MGAM: variants seen among roughly 807,000 people sequenced by gnomAD.
MGAM encodes the protein maltase-glucoamylase.
In MGAM, 253 loss-of-function variants were observed where a neutral mutation model predicts 358.8. The ratio of observed to expected loss-of-function variants is 0.71; its 90% CI spans 0.64 to 0.78. The LOEUF (loss-of-function observed/expected upper bound fraction) is 0.78. Ranked by LOEUF, MGAM falls within the 30% of genes least tolerant of loss-of-function variation. The probability of loss-of-function intolerance (pLI) is 0.00; values close to 1 mark genes in which losing one functional copy is unlikely to be tolerated. For synonymous variants in MGAM, 1,105 were observed against 1,227.1 expected (o/e 0.90, Z 2.08); for missense variants, 3,080 against 3,432.6 (o/e 0.90, Z 2.57).
At chr7:142,060,288 A>C (rs1382939810) in intron 33 of MGAM, 23 bp from the exon 34 acceptor site, 5 of 1,612,172 alleles carry the variant, frequency 3.1e-6, no homozygotes, top group Non-Finnish European at 4.2e-6. Flanking sequence ...GTGCATCGCT[A>C]CTGAACGTAT....
intron 35 of MGAM, 72 bp downstream of exon 35, chr7:142,062,774 G>C: frequency 6.3e-7 from 1 of 1,585,100 alleles, no homozygotes; most frequent in South Asian, 1.2e-5. Flanking sequence ...ATGTACCACT[G>C]ACCTTCAATC....
intron 36 of MGAM, among the ~76,000 whole-genome samples, 195 bp from the exon 37 acceptor site, chr7:142,064,189 A>AC (rs771566831): frequency 2.0e-5 from 3 of 152,174 alleles, no homozygotes; most frequent in Admixed American, 6.5e-5. Context: ...CCTTCAGTGA[A>AC]CTTGATGTTG....
chr7:142,037,086 C>A, intron 18 of MGAM, 109 bp downstream of exon 18: 10 of 1,072,570 alleles, frequency 9.3e-6, no homozygotes, highest in Admixed American at 2.1e-5. Flanking sequence ...TTATTCATAT[C>A]TATCTGTATC....
At position 142,080,822 on chromosome 7, in the gene MGAM, T is replaced by G. The variant is rs1814191307; in HGVS notation, c.5879T>G (p.Val1960Gly). 1 of 1,555,872 alleles carries G rather than the reference T, an allele frequency of 6.4e-7. No individual in the cohort carries two copies. Among genetic ancestry groups the G allele is most frequent in the African/African-American group, 1.3e-5 (1 of 74,546 alleles). The change falls in exon 50 of 71, where the codon GTT (valine) becomes GGT (glycine). Residue 1960 changes from valine (V) to glycine (G), a missense_variant. By Grantham distance (109) the Val-to-Gly change is moderately radical. Coordinates refer to ENST00000475668, the MANE Select transcript of MGAM (RefSeq NM_001365693.1). ...GATCCCAACAACAATCGGTATGAAG[T>G]TCCAGTCCCTCTGAACATACCCAGC... is the stretch of plus-strand genomic sequence containing the variant. ...IYDPNNNRYE[V>G]PVPLNIPSVP...
chr7:142,054,229 T>C (rs1345545917), intron 26 of MGAM, among the ~76,000 whole-genome samples: 1 of 152,234 alleles, frequency 6.6e-6, no homozygotes, highest in Non-Finnish European at 1.5e-5. Flanking sequence ...TTTGACTTCT[T>C]ATTCGCATGT....
At position 142,059,767 on chromosome 7, in the gene MGAM, C is replaced by T. The variant is rs186874272; in HGVS notation, c.3949-89C>T. 53 of 1,563,232 alleles carry T rather than the reference C, an allele frequency of 3.4e-5. 1 individual carries two copies. In the East Asian group the frequency reaches 6.2e-4, roughly 18 times the overall value. ...ACTCTACTGTGCAGGTAGAAGCCAG[C>T]GAGTTCACCCTTGAGGAGTTCTCCT... On this transcript the variant is annotated intron_variant, in intron 32 of 70. Transcript: ENST00000475668.
intron 57 of MGAM, among the ~76,000 whole-genome samples, chr7:142,088,824 TCTA>T: frequency 3.2e-5 from 2 of 62,850 alleles, no homozygotes; most frequent in African/African-American, 1.1e-4. Context: ...CTATGTACCA[TCTA>T]TCTATCTATC....
upstream of MGAM, among the ~76,000 whole-genome samples, chr7:141,994,538 A>G (rs1236421276): frequency 2.0e-5 from 3 of 152,210 alleles, no homozygotes; most frequent in African/African-American, 7.2e-5. Flanking sequence ...GTCTACTGAA[A>G]TGCTAACAAA....
At position 142,048,423 on chromosome 7, in the gene MGAM, C is replaced by G. The variant is rs552236338; in HGVS notation, c.2587+550C>G. Among the ~76,000 whole-genome samples the G allele has an allele frequency of 2.6e-5, 4 of 151,216 alleles. No homozygotes were observed. The East Asian group carries it at 7.8e-4, about 30-fold the overall frequency. On this transcript the variant is annotated intron_variant, in intron 22 of 70. Transcript: ENST00000475668. The stretch of plus-strand genomic sequence containing the variant: ...TCGGCCCCCCAAAGTGCTGGGATTA[C>G]AGGCATGAGCCACCATGCTTGGCCA...
chr7:142,011,649 A>G (rs1391205832), intron 3 of MGAM, among the ~76,000 whole-genome samples: 5 of 152,210 alleles, frequency 3.3e-5, no homozygotes, highest in African/African-American at 1.2e-4. Flanking sequence ...CCTTCTAAGT[A>G]AAATGAGACA....
intron 62 of MGAM, 42 bp downstream of exon 62, chr7:142,094,696 G>A: frequency 6.2e-7 from 1 of 1,612,712 alleles, no homozygotes; most frequent in African/African-American, 1.3e-5. Context: ...AGAAGGTGGG[G>A]ACATCTTTCA....
intron 20 of MGAM, 154 bp downstream of exon 20, chr7:142,040,325 C>A: frequency 1.5e-6 from 1 of 649,774 alleles, no homozygotes; most frequent in Non-Finnish European, 2.7e-6. Context: ...GTAAAGTTAA[C>A]CTAAACCGTT....
chr7:142,021,884 T>A, intron 6 of MGAM, 147 bp downstream of exon 6: 1 of 828,684 alleles, frequency 1.2e-6, no homozygotes, highest in Non-Finnish European at 1.9e-6. Context: ...AAGTATACAT[T>A]TTTTTCTGGC....
chr7:142,021,287 C>G (rs1471600415), intron 5 of MGAM, among the ~76,000 whole-genome samples: 1 of 152,108 alleles, frequency 6.6e-6, no homozygotes, highest in Non-Finnish European at 1.5e-5. Flanking sequence ...TTACAGTTTA[C>G]TAGTGAGTTT....
chr7:142,013,065 T>G (rs1412011038), intron 3 of MGAM, among the ~76,000 whole-genome samples: 2 of 152,160 alleles, frequency 1.3e-5, no homozygotes, highest in Non-Finnish European at 2.9e-5. Context: ...ACTCCACCTC[T>G]TGACACAAAG....
In MGAM at chr7:142,071,095, G is replaced by C. The variant is rs868477424; in HGVS notation, c.5163G>C (p.Glu1721Asp). Residue 1721 changes from glutamate to aspartate, a missense_variant, in exon 44 of 71, where the codon GAG (glutamate) becomes GAC (aspartate). Coordinates refer to ENST00000475668, the MANE Select transcript of MGAM (RefSeq NM_001365693.1). ...VRGGYILPWQ[E>D]PALNTHLSRK... ...GGGGCTACATCCTGCCCTGGCAAGA[G>C]CCTGCACTGAACACCCACTTAAGGT... 6.4e-7 allele frequency: 1 copy of C among 1,555,748 alleles called. No homozygotes were observed. Among genetic ancestry groups the C allele is most frequent in the African/African-American group, 1.3e-5 (1 of 74,600 alleles).
At chr7:142,003,411 G>A (rs2128980380) in intron 1 of MGAM, among the ~76,000 whole-genome samples, 1 of 152,000 alleles carries the variant, frequency 6.6e-6, no homozygotes, top group Non-Finnish European at 1.5e-5. Context: ...CAGAAACATA[G>A]CCAAATACCT....
chr7:142,088,739 GTCTGTCTGTCTA>G (rs1296022392), intron 57 of MGAM, among the ~76,000 whole-genome samples: 3,594 of 101,968 alleles, frequency 0.035, 138 homozygotes, highest in African/African-American at 0.097. Flanking sequence ...CTGTCTGTCT[GTCTGTCTGTCTA>G]TCTATCTATC....
At chr7:142,041,460 T>A (rs548648277) in intron 21 of MGAM, among the ~76,000 whole-genome samples, 2 of 152,168 alleles carry the variant, frequency 1.3e-5, no homozygotes, top group South Asian at 4.1e-4. Context: ...GCCAGTTGGC[T>A]TCCTTTTTCT....
Sources: allele counts gnomAD v4.1 joint callset (sites outside exome capture counted in the v4.1 genomes callset), GRCh38; gene constraint gnomAD v4.1.1; transcripts MANE v1.5; gene names NCBI Gene and HGNC (gene_info 2026-07-23, HGNC 2026-07-21).